PMP22: variants seen among roughly 807,000 people sequenced by gnomAD.
The protein encoded by PMP22 is Charcot-Marie-Tooth neuropathy 1A (greatly reduced nerve conduction velocity, hereditary motor sensory neuropathy Ia).
In PMP22, 2 loss-of-function variants were observed where a neutral mutation model predicts 18.9. The ratio of observed to expected loss-of-function variants is 0.11; its 90% CI spans 0.04 to 0.33. PMP22 has a LOEUF of 0.33. PMP22 is among the 10% of genes least tolerant of loss of function. PMP22 has a pLI of 1.00. For missense variants in PMP22, 169 were observed against 202.2 expected (o/e 0.84, Z 1.00); for synonymous variants, 95 against 89.2 (o/e 1.07, Z -0.37).
intron 3 of PMP22, among the ~76,000 whole-genome samples, chr17:15,241,549 T>C (rs1361445553): frequency 6.6e-6 from 1 of 152,212 alleles, no homozygotes; most frequent in Non-Finnish European, 1.5e-5. Flanking sequence ...TCTTCACCCT[T>C]AACCCCGCGC....
At chr17:15,231,110 C>G in intron 4 of PMP22, 30 bp from the exon 5 acceptor site, 6 of 1,611,910 alleles carry the variant, frequency 3.7e-6, no homozygotes, top group Non-Finnish European at 4.2e-6. Context: ...AGCTGGGTGA[C>G]GGAGAGTCCA....
intron 3 of PMP22, among the ~76,000 whole-genome samples, chr17:15,256,410 G>C (rs973245657): frequency 2.6e-5 from 4 of 152,164 alleles, no homozygotes; most frequent in Non-Finnish European, 5.9e-5. Flanking sequence ...TGGGAGGTGA[G>C]GTGGGTGGAT....
chr17:15,254,715 T>C (rs1908671902), intron 3 of PMP22, among the ~76,000 whole-genome samples: 1 of 152,116 alleles, frequency 6.6e-6, no homozygotes, highest in South Asian at 2.1e-4. Context: ...CTCAGCACTT[T>C]GGGAGGCTGA....
intron 3 of PMP22, among the ~76,000 whole-genome samples, chr17:15,254,562 C>T (rs558551278): frequency 6.6e-6 from 1 of 152,294 alleles, no homozygotes; most frequent in East Asian, 1.9e-4. Flanking sequence ...TGTCTCTGGC[C>T]TAGTGACTTG....
Position 15,241,638 on chromosome 17 carries a change from TAAACAG to T in PMP22, c.179-2033_179-2028del, listed in dbSNP as rs370907309. Among the ~76,000 whole-genome samples, 469 of 152,356 alleles carry T rather than the reference TAAACAG, an allele frequency of 3.1e-3. 2 individuals carry two copies. The highest frequency in any genetic ancestry group is 0.011 in the African/African-American group (447 of 41,582). Reference sequence around the variant, plus strand: ...AAAATCTTTATATGTTAAATCTATATAAACAGAAAGTGTCTAATATTTAATAATATA... The same window carrying T: ...AAAATCTTTATATGTTAAATCTATATAAAGTGTCTAATATTTAATAATATA... On this transcript the variant is annotated intron_variant, in intron 3 of 4. Transcript: ENST00000312280.
intron 2 of PMP22, among the ~76,000 whole-genome samples, chr17:15,259,567 T>C (rs1312027388): frequency 1.3e-5 from 2 of 152,104 alleles, no homozygotes; most frequent in African/African-American, 2.4e-5. Context: ...CCAGGCACAA[T>C]GGAGATACTG....
intron 2 of PMP22, chr17:15,260,343 GAA>G: frequency 7.5e-6 from 3 of 402,376 alleles, no homozygotes; most frequent in South Asian, 2.8e-5. Context: ...GCTGCATCAA[GAA>G]AAAAAAAAGT....
chr17:15,259,798 A>G (rs1389265572), intron 2 of PMP22, among the ~76,000 whole-genome samples: 1 of 151,384 alleles, frequency 6.6e-6, no homozygotes, highest in Non-Finnish European at 1.5e-5. Flanking sequence ...AAAAAAAAAA[A>G]ATTAGCCAGG....
At chr17:15,260,885 C>T in intron 1 of PMP22, 124 bp from the exon 2 acceptor site, 1 of 666,400 alleles carries the variant, frequency 1.5e-6, no homozygotes, top group Non-Finnish European at 2.6e-6. Flanking sequence ...AGCCCGACCG[C>T]CCGCGCGGGT....
intron 3 of PMP22, among the ~76,000 whole-genome samples, chr17:15,239,891 A>G (rs2150677355): frequency 6.6e-6 from 1 of 152,378 alleles, no homozygotes; most frequent in South Asian, 2.1e-4. Context: ...GCCAATATGT[A>G]CACATTACAT....
At position 15,238,217 on chromosome 17, in the gene PMP22, G is replaced by A. The variant is rs116672567; in HGVS notation, c.319+1254C>T. On this transcript the variant is annotated intron_variant, in intron 4 of 4. Transcript: ENST00000312280. ...TGGTTTTGAAATCTCAAAACCATGA[G>A]TATTGAAATGTTGTATTTGAGTGTT... is the stretch of plus-strand genomic sequence containing the variant. Among the ~76,000 whole-genome samples, 197 of 152,274 alleles carry A rather than the reference G, an allele frequency of 1.3e-3. 1 individual carries two copies. Among genetic ancestry groups the A allele is most frequent in the African/African-American group, 4.6e-3 (190 of 41,558 alleles).
At chr17:15,235,244 T>C (rs1906696873) in intron 4 of PMP22, 1 of 717,544 alleles carries the variant, frequency 1.4e-6, no homozygotes, top group African/African-American at 1.7e-5. Context: ...ATTCTTTCTG[T>C]TCTTAATCCC....
chr17:15,235,947 A>G (rs2150671269), intron 4 of PMP22, among the ~76,000 whole-genome samples: 1 of 151,840 alleles, frequency 6.6e-6, no homozygotes, highest in East Asian at 1.9e-4. Context: ...TTTAGTAGAG[A>G]CAGGGTTTCA....
chr17:15,238,693 T>G (rs139609953), intron 4 of PMP22, among the ~76,000 whole-genome samples: 2 of 151,960 alleles, frequency 1.3e-5, no homozygotes, highest in Non-Finnish European at 2.9e-5. Context: ...GATGTAAGCA[T>G]GTAAGATGCT....
intron 3 of PMP22, chr17:15,251,640 G>A (rs1261533744): frequency 1.3e-5 from 2 of 151,182 alleles, no homozygotes; most frequent in African/African-American, 4.9e-5. Context: ...TGCCAGTGTT[G>A]GGGGCCACTT....
intron 3 of PMP22, among the ~76,000 whole-genome samples, chr17:15,245,536 T>C (rs1171277090): frequency 6.6e-6 from 1 of 152,202 alleles, no homozygotes; most frequent in African/African-American, 2.4e-5. Flanking sequence ...TATATTTTAT[T>C]GGGTTGTCAT....
At position 15,247,546 on chromosome 17, in the gene PMP22, G is replaced by A. The variant is rs572993160; in HGVS notation, c.179-7935C>T. On this transcript the variant is annotated intron_variant, in intron 3 of 4. Transcript: ENST00000312280. ...CACAAAGATCAAAGCTCATTTCAAG[G>A]TCAGATTCCTGCTGTAGGAGCAGCT... 1.9e-3 allele frequency among the ~76,000 whole-genome samples: 284 copies of A among 152,306 alleles called. 1 individual carries two copies. Among genetic ancestry groups the A allele is most frequent in the Non-Finnish European group, 2.9e-3 (199 of 68,032 alleles).
intron 2 of PMP22, chr17:15,260,291 T>C (rs1319413539): frequency 6.2e-6 from 2 of 320,180 alleles, no homozygotes; most frequent in African/African-American, 4.3e-5. Context: ...TGACTATGGT[T>C]TGGAGAAAAA....
chr17:15,256,013 A>G (rs1219242327), intron 3 of PMP22, among the ~76,000 whole-genome samples: 1 of 152,222 alleles, frequency 6.6e-6, no homozygotes, highest in African/African-American at 2.4e-5. Context: ...ATACAATATC[A>G]TAACGAATAT....
Sources: allele counts gnomAD v4.1 joint callset (sites outside exome capture counted in the v4.1 genomes callset), GRCh38; gene constraint gnomAD v4.1.1; transcripts MANE v1.5; gene names NCBI Gene and HGNC (gene_info 2026-07-23, HGNC 2026-07-21).